The following FGF14 variants were observed in gnomAD, a reference collection of about 807,000 sequenced individuals.
The protein encoded by FGF14 is fibroblast growth factor 14, also known as fibroblast growth factor homologous factor 4.
Under a neutral mutation model 25.5 loss-of-function variants are expected in FGF14, and 5 were observed. The observed-to-expected ratio is 0.20, with a 90% CI of 0.10 to 0.41. The LOEUF (loss-of-function observed/expected upper bound fraction) is 0.41, where lower values mean the gene tolerates loss of function less well. FGF14 is among the 10% of genes least tolerant of loss of function. FGF14 has a pLI of 1.00. For synonymous variants in FGF14, 138 were observed against 118.3 expected (o/e 1.17, Z -1.08); for missense variants, 222 against 320.1 (o/e 0.69, Z 2.34).
intron 1 of FGF14, among the ~76,000 whole-genome samples, chr13:101,939,082 C>G (rs577760067): frequency 2.3e-4 from 35 of 152,232 alleles, no homozygotes; most frequent in African/African-American, 8.4e-4. Flanking sequence ...GCTGAGGAGC[C>G]CTGGCATGGA....
chr13:101,898,463 G>A (rs2031059301), intron 1 of FGF14, among the ~76,000 whole-genome samples: 1 of 151,876 alleles, frequency 6.6e-6, no homozygotes, highest in Non-Finnish European at 1.5e-5. Flanking sequence ...TTTACTCAGT[G>A]GGTAATGTTC....
chr13:102,149,476 T>A (rs115979115), intron 1 of FGF14, among the ~76,000 whole-genome samples: 95 of 152,292 alleles, frequency 6.2e-4, no homozygotes, highest in Admixed American at 3.9e-4. Context: ...ATCACACTCA[T>A]GCAAGGACAC....
intron 1 of FGF14, among the ~76,000 whole-genome samples, chr13:102,044,889 C>A (rs915944110): frequency 1.3e-5 from 2 of 152,088 alleles, no homozygotes; most frequent in African/African-American, 4.8e-5. Context: ...TACTCTAGAT[C>A]TATTGGAGAA....
At chr13:101,784,634 T>C (rs2039699787) in intron 3 of FGF14, among the ~76,000 whole-genome samples, 1 of 152,218 alleles carries the variant, frequency 6.6e-6, no homozygotes, top group Non-Finnish European at 1.5e-5. Context: ...GTTTGAATGG[T>C]AACATATAAT....
chr13:101,799,245 TTCTC>T (rs950826929), intron 3 of FGF14, among the ~76,000 whole-genome samples: 4 of 152,078 alleles, frequency 2.6e-5, no homozygotes, highest in Non-Finnish European at 4.4e-5. Context: ...ATTCATGCTG[TTCTC>T]TCTGATACTC....
chr13:101,770,193 C>T (rs895283495), intron 3 of FGF14, among the ~76,000 whole-genome samples: 4 of 152,030 alleles, frequency 2.6e-5, no homozygotes, highest in African/African-American at 4.8e-5. Context: ...GCATTCACAA[C>T]GGAAGAATCA....
At chr13:101,955,632 A>G (rs1394984854) in intron 1 of FGF14, among the ~76,000 whole-genome samples, 1 of 152,208 alleles carries the variant, frequency 6.6e-6, no homozygotes, top group Non-Finnish European at 1.5e-5. Context: ...AAGTCTCCTG[A>G]GGGGAAGGGT....
At chr13:102,329,379 T>G (rs1231920232) in intron 1 of FGF14, among the ~76,000 whole-genome samples, 1 of 152,086 alleles carries the variant, frequency 6.6e-6, no homozygotes, top group Non-Finnish European at 1.5e-5. Context: ...CTTTGCCAGA[T>G]CTCTCTCCAT....
At chr13:102,043,749 G>A (rs933111088) in intron 1 of FGF14, among the ~76,000 whole-genome samples, 2 of 152,110 alleles carry the variant, frequency 1.3e-5, no homozygotes, top group Non-Finnish European at 2.9e-5. Context: ...TCCTTCCCAC[G>A]GTTCCAGCAT....
intron 3 of FGF14, among the ~76,000 whole-genome samples, chr13:101,854,095 A>G (rs1482858575): frequency 6.6e-6 from 1 of 152,102 alleles, no homozygotes; most frequent in African/African-American, 2.4e-5. Flanking sequence ...GGCAAACACA[A>G]TGTTAGAAAT....
chr13:101,956,768 C>CCA (rs2036537167), intron 1 of FGF14, among the ~76,000 whole-genome samples: 1 of 122,588 alleles, frequency 8.2e-6, no homozygotes, highest in African/African-American at 2.8e-5. Flanking sequence ...TTCACTTTAC[C>CCA]AAAAAAAAAA....
chr13:102,099,196 C>A (rs958030585), intron 1 of FGF14, among the ~76,000 whole-genome samples: 1 of 152,016 alleles, frequency 6.6e-6, no homozygotes, highest in Admixed American at 6.6e-5. Context: ...CATAGTTTTT[C>A]AGGGAGAAGA....
intron 3 of FGF14, among the ~76,000 whole-genome samples, chr13:101,855,185 A>G (rs1157799526): frequency 1.3e-5 from 2 of 152,016 alleles, no homozygotes; most frequent in African/African-American, 4.8e-5. Context: ...GACATTAATG[A>G]TAATAATTTC....
At chr13:101,921,041 G>A (rs1014819921), upstream of FGF14, among the ~76,000 whole-genome samples, 4 of 147,614 alleles carry the variant, frequency 2.7e-5, no homozygotes, top group African/African-American at 1.0e-4. Flanking sequence ...AATTTCTATT[G>A]CCCTATCCTC....
At chr13:102,267,527 T>C (rs2141144302) in intron 1 of FGF14, among the ~76,000 whole-genome samples, 1 of 152,304 alleles carries the variant, frequency 6.6e-6, no homozygotes, top group Middle Eastern at 3.4e-3. Flanking sequence ...TGGCCATTTT[T>C]AAAGTTATGT....
At chr13:102,136,049 GAAGT>G (rs924510002) in intron 1 of FGF14, among the ~76,000 whole-genome samples, 36 of 152,100 alleles carry the variant, frequency 2.4e-4, no homozygotes, top group Admixed American at 6.6e-5. Flanking sequence ...TTCCCTAAAA[GAAGT>G]AAGATCTTCA....
At chr13:101,824,686 ACCT>A (rs1281499670) in intron 3 of FGF14, among the ~76,000 whole-genome samples, 3 of 152,088 alleles carry the variant, frequency 2.0e-5, no homozygotes, top group African/African-American at 7.2e-5. Context: ...GATGGCTGAA[ACCT>A]CCTGAATAGT....
intron 1 of FGF14, among the ~76,000 whole-genome samples, chr13:102,107,408 C>T (rs1316262145): frequency 6.6e-6 from 1 of 151,996 alleles, no homozygotes; most frequent in Non-Finnish European, 1.5e-5. Flanking sequence ...TCGATTAACC[C>T]AATTGCATCT....
At chr13:102,392,805 C>T (rs7997199) in intron 1 of FGF14, among the ~76,000 whole-genome samples, 2,399 of 152,264 alleles carry the variant, frequency 0.016, 32 homozygotes, top group Non-Finnish European at 0.026. Context: ...TATTCTGGAC[C>T]GCTCACCACT....
Sources: gnomAD v4.1 joint callset for allele counts (sites outside exome capture counted in the v4.1 genomes callset) on GRCh38, gnomAD v4.1.1 for gene constraint, MANE v1.5 for transcripts, NCBI Gene and HGNC (gene_info 2026-07-23, HGNC 2026-07-21) for gene names.